The following MARCHF4 variants were observed in gnomAD, a reference collection of about 807,000 sequenced individuals.
MARCHF4 encodes the protein membrane associated ring-CH-type finger 4, also known as E3 ubiquitin-protein ligase MARCHF4.
MARCHF4 carries 14 observed loss-of-function variants against 43.9 expected under a neutral mutation model. That is an observed-to-expected ratio of 0.32 (90% confidence interval 0.21 to 0.50). MARCHF4 has a LOEUF of 0.50. MARCHF4 is among the 20% of genes least tolerant of loss of function. MARCHF4 has a pLI of 0.98. For missense variants in MARCHF4, 468 were observed against 536.7 expected, an observed-to-expected ratio of 0.87 and a Z score of 1.27; for synonymous variants, 226 against 213.3, an observed-to-expected ratio of 1.06 and a Z score of -0.52.
intron 1 of MARCHF4, among the ~76,000 whole-genome samples, chr2:216,302,914 A>G (rs199622418): frequency 0.076 from 11,312 of 149,506 alleles, 571 homozygotes; most frequent in South Asian, 0.2. Flanking sequence ...AAAAAAAAAA[A>G]AAAAAAAAAG....
At chr2:216,264,639 GGA>G (rs902562953) in intron 3 of MARCHF4, among the ~76,000 whole-genome samples, 2 of 152,258 alleles carry the variant, frequency 1.3e-5, no homozygotes, top group African/African-American at 4.8e-5. Flanking sequence ...GATGGGGTGT[GGA>G]GAGAGAGAAG....
chr2:216,342,613 G>T (rs1692254920), intron 1 of MARCHF4, among the ~76,000 whole-genome samples: 1 of 152,130 alleles, frequency 6.6e-6, no homozygotes, highest in Non-Finnish European at 1.5e-5. Context: ...GGGTAGGTAT[G>T]TTAGAGAGAT....
At chr2:216,366,258 A>G (rs1054101476) in intron 1 of MARCHF4, among the ~76,000 whole-genome samples, 2 of 152,220 alleles carry the variant, frequency 1.3e-5, no homozygotes, top group Non-Finnish European at 1.5e-5. Flanking sequence ...CAGGCCTCCA[A>G]CTGGGTCCAT....
chr2:216,294,253 G>T (rs898700924), intron 1 of MARCHF4, among the ~76,000 whole-genome samples: 2 of 152,250 alleles, frequency 1.3e-5, no homozygotes, highest in Non-Finnish European at 2.9e-5. Flanking sequence ...TGCCTCTTAC[G>T]AGCAGCCTTC....
At chr2:216,299,883 C>A (rs1349268379) in intron 1 of MARCHF4, among the ~76,000 whole-genome samples, 1 of 152,204 alleles carries the variant, frequency 6.6e-6, no homozygotes, top group Non-Finnish European at 1.5e-5. Flanking sequence ...AGTAGAATTG[C>A]CCAGGCTTGC....
Position 216,283,687 on chromosome 2 carries a change from A to C in MARCHF4, c.559T>G (p.Cys187Gly). The change falls in exon 2 of 4, where the codon TGC (cysteine) becomes GGC (glycine). Residue 187 changes from cysteine (C) to glycine (G), a missense_variant. Coordinates refer to ENST00000273067, the MANE Select transcript of MARCHF4 (RefSeq NM_020814.3). ...TTGATGAGGCAAGGCTGGTGTGTGC[A>C]CTTGACCGAGCCATCACAGCGGCAT... ...SPCRCDGSVKCTHQPCLIKWI... is the reference protein window; with the variant it reads ...SPCRCDGSVKGTHQPCLIKWI... The C allele has an allele frequency of 4.3e-6, 7 of 1,612,980 alleles. No individual in the cohort carries two copies. The highest frequency in any genetic ancestry group is 5.9e-6 in the Non-Finnish European group (7 of 1,179,040).
At chr2:216,302,618 C>T (rs1691508784) in intron 1 of MARCHF4, among the ~76,000 whole-genome samples, 1 of 151,692 alleles carries the variant, frequency 6.6e-6, no homozygotes, top group South Asian at 2.1e-4. Context: ...GAATTTTAGG[C>T]CGGGTGTGGT....
intron 1 of MARCHF4, among the ~76,000 whole-genome samples, chr2:216,364,353 T>C (rs972750279): frequency 1.3e-5 from 2 of 152,134 alleles, no homozygotes; most frequent in Non-Finnish European, 2.9e-5. Context: ...TAACAATGAA[T>C]GAACACACAC....
chr2:216,272,320 A>G (rs1479794789), intron 3 of MARCHF4, among the ~76,000 whole-genome samples: 1 of 152,204 alleles, frequency 6.6e-6, no homozygotes, highest in African/African-American at 2.4e-5. Flanking sequence ...ATGTCAAAAT[A>G]GCACAATCAA....
chr2:216,316,186 G>A (rs182735142), intron 1 of MARCHF4, among the ~76,000 whole-genome samples: 4 of 152,334 alleles, frequency 2.6e-5, no homozygotes, highest in East Asian at 3.9e-4. Context: ...CTGCGCCTCC[G>A]GAATAAGGGC....
chr2:216,277,595 G>T, intron 3 of MARCHF4, 77 bp downstream of exon 3: 2 of 1,425,372 alleles, frequency 1.4e-6, no homozygotes, highest in Non-Finnish European at 9.5e-7. Context: ...CTCCCACAGT[G>T]GGGGATCCTG....
chr2:216,297,641 G>A (rs189248727), intron 1 of MARCHF4, among the ~76,000 whole-genome samples: 4 of 152,274 alleles, frequency 2.6e-5, no homozygotes, highest in Admixed American at 2.0e-4. Flanking sequence ...AGCCTCCCAC[G>A]TAGCTGGGAT....
At chr2:216,339,962 G>A (rs540687298) in intron 1 of MARCHF4, among the ~76,000 whole-genome samples, 4 of 152,112 alleles carry the variant, frequency 2.6e-5, no homozygotes, top group African/African-American at 9.6e-5. Flanking sequence ...AGCAGCAGCT[G>A]GCTCCCTCCC....
At chr2:216,294,903 C>T (rs928841719) in intron 1 of MARCHF4, among the ~76,000 whole-genome samples, 3 of 152,210 alleles carry the variant, frequency 2.0e-5, no homozygotes, top group African/African-American at 7.2e-5. Context: ...GGGTTCAAAT[C>T]CCAGTTCTTC....
At chr2:216,300,357 T>TATATATATATAC (rs1156300871) in intron 1 of MARCHF4, among the ~76,000 whole-genome samples, 8 of 143,274 alleles carry the variant, frequency 5.6e-5, no homozygotes, top group African/African-American at 2.3e-4. Context: ...TATGTATATA[T>TATATATATATAC]ATATATATAT....
intron 1 of MARCHF4, among the ~76,000 whole-genome samples, chr2:216,357,771 A>G (rs1426839618): frequency 1.3e-5 from 2 of 152,226 alleles, no homozygotes; most frequent in East Asian, 1.9e-4. Context: ...CTTTGAGAAT[A>G]TATTTATTGA....
chr2:216,316,367 T>G (rs576394497), intron 1 of MARCHF4, among the ~76,000 whole-genome samples: 2 of 152,300 alleles, frequency 1.3e-5, no homozygotes, highest in South Asian at 2.1e-4. Flanking sequence ...ACGGAGGCCC[T>G]ATCTTCCTCC....
At chr2:216,293,981 T>TGAAAAAAAAAAAAA (rs1171951717) in intron 1 of MARCHF4, among the ~76,000 whole-genome samples, 4 of 99,494 alleles carry the variant, frequency 4.0e-5, no homozygotes, top group East Asian at 2.8e-4. Flanking sequence ...ATCATTACCA[T>TGAAAAAAAAAAAAA]CACCATTGTT....
chr2:216,266,781 C>G (rs146333085), intron 3 of MARCHF4, among the ~76,000 whole-genome samples: 1 of 152,118 alleles, frequency 6.6e-6, no homozygotes, highest in African/African-American at 2.4e-5. Context: ...TGAATATAAC[C>G]GGCTATTTTG....
Sources: allele counts gnomAD v4.1 joint callset (sites outside exome capture counted in the v4.1 genomes callset), GRCh38; gene constraint gnomAD v4.1.1; transcripts MANE v1.5; gene names NCBI Gene and HGNC (gene_info 2026-07-23, HGNC 2026-07-21).